The following SENP1 variants were observed in gnomAD, a reference collection of about 807,000 sequenced individuals.
SENP1 encodes SUMO specific peptidase 1.
In SENP1, 21 loss-of-function variants were observed where a neutral mutation model predicts 93.0. That is an observed-to-expected ratio of 0.23 (90% CI 0.16 to 0.33). The LOEUF is 0.33. Among genes scored for constraint, SENP1 ranks in the 10% least tolerant of loss-of-function variants. The pLI is 1.00. For synonymous variants in SENP1, 256 were observed against 259.6 expected (o/e 0.99, Z 0.13); for missense variants, 591 against 758.7 (o/e 0.78, Z 2.60).
At chr12:48,059,986 T>C (rs946888290) in intron 13 of SENP1, among the ~76,000 whole-genome samples, 1 of 152,126 alleles carries the variant, frequency 6.6e-6, no homozygotes, top group Non-Finnish European at 1.5e-5. Flanking sequence ...CAGCCTCTGG[T>C]AGCTTCTTTT....
rs1336042625 is a variant in SENP1, at chr12:48,048,370, A to G, written c.1612-290T>C. 1.3e-5 allele frequency among the ~76,000 whole-genome samples: 2 copies of G among 152,250 alleles called. 1 individual carries two copies. The highest frequency in any genetic ancestry group is 1.3e-4 in the Admixed American group (2 of 15,280). ...AAGTGGGCAACAGTGAAGAAACTAC[A>G]TGATTTTCAGGGAATATAAGGTGAG... On this transcript the variant is annotated intron_variant, in intron 14 of 17. Coordinates refer to ENST00000549518, the MANE Select transcript of SENP1 (RefSeq NM_001267594.2).
At position 48,074,776 on chromosome 12, in the gene SENP1, T is replaced by C. The variant is rs148881159; in HGVS notation, c.570A>G (p.Glu190=). The part of the protein sequence containing the change: ...STAEETVQEE[E]REIYRQLLQM... ...GTAGCAGCTGTCTGTAAATCTCTCT[T>C]TCTTCTTCTTGAACTGTCTATAAGA... is the stretch of plus-strand genomic sequence containing the variant. Residue 190 remains glutamate (E), a synonymous_variant, in exon 7 of 18, where the codon GAA becomes GAG. Transcript: ENST00000549518. 7.0e-5 allele frequency: 112 copies of C among 1,610,306 alleles called. 1 individual carries two copies. The African/African-American group carries it at 1.4e-3, about 21-fold the overall frequency.
At chr12:48,102,650 C>T (rs1371151506) in intron 1 of SENP1, among the ~76,000 whole-genome samples, 1 of 151,608 alleles carries the variant, frequency 6.6e-6, no homozygotes, top group Admixed American at 6.6e-5. Context: ...AATACTAGGG[C>T]TTCAATGTAT....
At chr12:48,093,783 G>A (rs1048381904) in intron 4 of SENP1, among the ~76,000 whole-genome samples, 2 of 149,464 alleles carry the variant, frequency 1.3e-5, no homozygotes, top group African/African-American at 2.4e-5. Context: ...TGGACAACAT[G>A]GCGAAACTCC....
intron 5 of SENP1, chr12:48,085,176 G>A: frequency 3.4e-6 from 5 of 1,458,258 alleles, no homozygotes; most frequent in African/African-American, 1.4e-5. Context: ...TTTCCTGGTG[G>A]TGGAGAAGGA....
intron 6 of SENP1, among the ~76,000 whole-genome samples, chr12:48,080,656 T>C (rs191366983): frequency 2.0e-5 from 3 of 152,346 alleles, no homozygotes; most frequent in African/African-American, 7.2e-5. Context: ...GGTTAAAAAG[T>C]ATTATATCCG....
At chr12:48,058,159 T>A (rs1942700311) in intron 13 of SENP1, among the ~76,000 whole-genome samples, 1 of 151,872 alleles carries the variant, frequency 6.6e-6, no homozygotes, top group Non-Finnish European at 1.5e-5. Context: ...TTGGCCAGGC[T>A]GGTCTCAAAC....
chr12:48,104,273 GCGGA>G (rs1565820859), intron 1 of SENP1, among the ~76,000 whole-genome samples: 27 of 41,330 alleles, frequency 6.5e-4, no homozygotes, highest in Non-Finnish European at 1.0e-3. Flanking sequence ...GGGGGGGGGG[GCGGA>G]GGGAGGGAGA....
chr12:48,056,539 A>G lies in SENP1; in HGVS notation c.1407+7171T>C, dbSNP rs1275297870. ...TTTAATATATTACATATATAAATATATTATTTAATATATTACATATATAAA... is the reference window on the plus strand; with the variant it reads ...TTTAATATATTACATATATAAATATGTTATTTAATATATTACATATATAAA... On this transcript the variant is annotated intron_variant, in intron 13 of 17. Transcript: ENST00000549518. Among the ~76,000 whole-genome samples the G allele has an allele frequency of 3.8e-5, 2 of 52,652 alleles. 1 individual carries two copies. The highest frequency in any genetic ancestry group is 2.4e-3 in the East Asian group (2 of 848). 34.5% of individuals were successfully genotyped at this position (52,652 alleles called of 152,430 possible).
At chr12:48,078,854 T>TTTGTTG (rs202214361) in intron 6 of SENP1, among the ~76,000 whole-genome samples, 1 of 152,230 alleles carries the variant, frequency 6.6e-6, no homozygotes, top group African/African-American at 2.4e-5. Flanking sequence ...TTAAACTGTT[T>TTTGTTG]TTGTTGTTGT....
chr12:48,044,128 T>C lies in SENP1; in HGVS notation c.*1194A>G, dbSNP rs1283513287. 7.0e-6 allele frequency: 1 copy of C among 143,348 alleles called. No individual in the cohort carries two copies. The highest frequency in any genetic ancestry group is 1.5e-5 in the Non-Finnish European group (1 of 65,198). 8.9% of individuals were successfully genotyped at this position (143,348 alleles called of 1,614,324 possible). On this transcript the variant is annotated 3_prime_UTR_variant, in exon 18 of 18. Transcript: ENST00000549518. ...AGTTGATCAGTCCAAACTCCACCCG[T>C]TTTTTTTTTTAGCTGAAAATATCAC...
rs200687190 is a variant in SENP1 at position 48,044,359 on chromosome 12, T to C, written c.*963A>G. On this transcript the variant is annotated 3_prime_UTR_variant, in exon 18 of 18. Coordinates refer to ENST00000549518, the MANE Select transcript of SENP1 (RefSeq NM_001267594.2). ...ATCCCTGTGAAATTTTATACATACA[T>C]ATATATATATATATATGTATGTGTA... is the stretch of plus-strand genomic sequence containing the variant. 2 of 69,818 alleles carry C rather than the reference T, an allele frequency of 2.9e-5. No individual in the cohort carries two copies. The highest frequency in any genetic ancestry group is 2.3e-4 in the Admixed American group (1 of 4,396). The allele number at this position is 69,818 out of a possible 1,614,324, so 4.3% of individuals were successfully genotyped here. A position where few individuals can be genotyped will look rare whatever the true frequency, so the allele number is the denominator to read the frequency against.
rs112132045 is a variant in SENP1 at position 48,054,078 on chromosome 12, G to A, written c.1408-4946C>T. The stretch of plus-strand genomic sequence containing the variant: ...GCTCCAGTTATCCTGCTTCACGTAG[G>A]ATAGGGCATAGAGGGCTGAGTAGAG... On this transcript the variant is annotated intron_variant, in intron 13 of 17. Transcript: ENST00000549518. 5.5e-3 allele frequency among the ~76,000 whole-genome samples: 841 copies of A among 152,326 alleles called. 11 individuals carry two copies. The highest frequency in any genetic ancestry group is 0.019 in the African/African-American group (801 of 41,570).
At chr12:48,102,723 G>A (rs1426050550) in intron 1 of SENP1, among the ~76,000 whole-genome samples, 1 of 150,574 alleles carries the variant, frequency 6.6e-6, no homozygotes, top group Non-Finnish European at 1.5e-5. Context: ...GTCACACAAA[G>A]GAAGGCAGCT....
intron 5 of SENP1, chr12:48,085,426 T>G (rs766194053): frequency 4.8e-6 from 5 of 1,037,136 alleles, no homozygotes; most frequent in Non-Finnish European, 7.1e-6. Context: ...TGCTAGGGTC[T>G]TTGTGTGAGG....
At chr12:48,081,275 T>C in intron 6 of SENP1, 1 of 152,070 alleles carries the variant, frequency 6.6e-6, no homozygotes. Context: ...GTAAATATAA[T>C]ATAAAATTCA....
intron 13 of SENP1, among the ~76,000 whole-genome samples, chr12:48,059,440 T>G (rs1156420313): frequency 1.3e-5 from 2 of 152,220 alleles, no homozygotes; most frequent in Non-Finnish European, 2.9e-5. Flanking sequence ...AAGGTCGGTC[T>G]TGTTTAAAAA....
chr12:48,045,284 TC>T lies in SENP1; in HGVS notation c.*37del, dbSNP rs770700528. 44 of 1,567,004 alleles carry T rather than the reference TC, an allele frequency of 2.8e-5. No individual in the cohort carries two copies. The highest frequency in any genetic ancestry group is 3.5e-5 in the Non-Finnish European group (40 of 1,138,068). The stretch of plus-strand genomic sequence containing the variant: ...CTGGCTGTAGACAACAAAGAGCTGG[TC>T]CCCCACATGGTCAAGGTCTGCTAAG... On this transcript the variant is annotated 3_prime_UTR_variant, in exon 18 of 18. Coordinates refer to ENST00000549518, the MANE Select transcript of SENP1 (RefSeq NM_001267594.2).
intron 9 of SENP1, among the ~76,000 whole-genome samples, chr12:48,070,926 T>C (rs1185040630): frequency 6.6e-6 from 1 of 151,990 alleles, no homozygotes; most frequent in Non-Finnish European, 1.5e-5. Context: ...ATCCCGTCTC[T>C]ACAAAAGAAA....
Sources: gnomAD v4.1 joint callset for allele counts (sites outside exome capture counted in the v4.1 genomes callset) on GRCh38, gnomAD v4.1.1 for gene constraint, MANE v1.5 for transcripts, NCBI Gene and HGNC (gene_info 2026-07-23, HGNC 2026-07-21) for gene names.